POMGNT1: variants seen among roughly 807,000 people sequenced by gnomAD.
The protein encoded by POMGNT1 is protein O-linked mannose N-acetylglucosaminyltransferase 1 (beta 1,2-), also known as protein O-linked-mannose beta-1,2-N-acetylglucosaminyltransferase 1.
In POMGNT1, 67 loss-of-function variants were observed where a neutral mutation model predicts 95.6. That is an observed-to-expected ratio of 0.70 (90% CI 0.58 to 0.86). POMGNT1 has a LOEUF of 0.86. POMGNT1 is among the 40% of genes least tolerant of loss of function. The probability of loss-of-function intolerance (pLI) is 0.00; values close to 1 mark genes in which losing one functional copy is unlikely to be tolerated. For synonymous variants in POMGNT1, 298 were observed against 317.9 expected (o/e 0.94, Z 0.66); for missense variants, 719 against 855.2 (o/e 0.84, Z 1.99).
At chr1:46,200,910 G>A (rs1344865999), upstream of POMGNT1, among the ~76,000 whole-genome samples, 1 of 152,198 alleles carries the variant, frequency 6.6e-6, no homozygotes, top group African/African-American at 2.4e-5. Context: ...GCCAAGGCGG[G>A]TGGATCACCT....
At chr1:46,193,252 G>A in intron 12 of POMGNT1, 37 bp from the exon 13 acceptor site, 4 of 1,614,108 alleles carry the variant, frequency 2.5e-6, no homozygotes, top group Non-Finnish European at 2.5e-6. Context: ...ATGAGCTTTA[G>A]GGTAGAAGGC....
chr1:46,203,353 AGC>A, upstream of POMGNT1: 1 of 1,361,274 alleles, frequency 7.3e-7, no homozygotes, highest in Non-Finnish European at 9.7e-7. Context: ...CCGCTTTAGC[AGC>A]GGCGAAGGGA....
chr1:46,198,993 G>A (rs951059021), upstream of POMGNT1, among the ~76,000 whole-genome samples: 3 of 152,132 alleles, frequency 2.0e-5, no homozygotes, highest in African/African-American at 7.2e-5. Flanking sequence ...CCAGGCTGGA[G>A]TGCAGTGGCA....
intron 1 of POMGNT1, among the ~76,000 whole-genome samples, chr1:46,205,825 C>T (rs1658695640): frequency 6.6e-6 from 1 of 152,216 alleles, no homozygotes; most frequent in South Asian, 2.1e-4. Context: ...TACTGGGTTG[C>T]ACCCAGGAAG....
chr1:46,220,155 G>T, exon 1 of POMGNT1: 4 of 1,614,120 alleles, frequency 2.5e-6, no homozygotes, highest in Non-Finnish European at 3.4e-6. Flanking sequence ...GGATGAGAGT[G>T]CCAAGCTGGG....
At chr1:46,193,241 C>A in intron 12 of POMGNT1, 26 bp from the exon 13 acceptor site, 1 of 1,614,136 alleles carries the variant, frequency 6.2e-7, no homozygotes, top group Non-Finnish European at 8.5e-7. Flanking sequence ...GAATAGGGCA[C>A]ATGAGCTTTA....
chr1:46,194,216 G>A (rs1658025241), intron 9 of POMGNT1, 58 bp downstream of exon 9: 2 of 1,613,864 alleles, frequency 1.2e-6, no homozygotes, highest in African/African-American at 2.7e-5. Flanking sequence ...TCATTCCTGG[G>A]GCCCCCCTGC....
chr1:46,216,138 C>G (rs1433344532), intron 1 of POMGNT1, among the ~76,000 whole-genome samples: 1 of 150,856 alleles, frequency 6.6e-6, no homozygotes, highest in South Asian at 2.1e-4. Context: ...GCTCCGCCCC[C>G]CAGGTTCACG....
chr1:46,193,713 C>T, intron 10 of POMGNT1, 74 bp from the exon 11 acceptor site: 1 of 1,607,514 alleles, frequency 6.2e-7, no homozygotes, highest in Non-Finnish European at 8.5e-7. Context: ...TACAGCTGGG[C>T]CCAGAGTCCC....
At chr1:46,218,516 C>T (rs1034684358) in intron 1 of POMGNT1, among the ~76,000 whole-genome samples, 3 of 152,222 alleles carry the variant, frequency 2.0e-5, no homozygotes, top group Non-Finnish European at 4.4e-5. Flanking sequence ...ATGTTACAGG[C>T]TTTTGAATGC....
upstream of POMGNT1, among the ~76,000 whole-genome samples, chr1:46,199,715 A>G (rs1348351129): frequency 6.6e-6 from 1 of 152,126 alleles, no homozygotes; most frequent in African/African-American, 2.4e-5. Flanking sequence ...GACCAGTTAG[A>G]TTTTTTTGAG....
intron 16 of POMGNT1, 31 bp from the exon 17 acceptor site, chr1:46,192,254 G>A (rs759654149): frequency 3.1e-6 from 5 of 1,614,186 alleles, no homozygotes; most frequent in Non-Finnish European, 3.4e-6. Context: ...TGAAGGTTAA[G>A]ATGTTTCGAG....
At chr1:46,206,777 G>A (rs1658730182) in intron 1 of POMGNT1, among the ~76,000 whole-genome samples, 4 of 152,160 alleles carry the variant, frequency 2.6e-5, no homozygotes. Flanking sequence ...GATAGTAAAG[G>A]CAAGAGAATC....
At position 46,193,211 on chromosome 1, in the gene POMGNT1, T is replaced by C. The variant is rs1657927082; in HGVS notation, c.1115A>G (p.Tyr372Cys). 3 of 1,614,200 alleles carry C rather than the reference T, an allele frequency of 1.9e-6. No individual in the cohort carries two copies. The highest frequency in any genetic ancestry group is 2.5e-6 in the Non-Finnish European group (3 of 1,180,026). The change falls in exon 13 of 22, where the codon TAC becomes TGC. Residue 372 changes from tyrosine to cysteine, a missense_variant. Tyr to Cys is a radical substitution (Grantham distance 194). Coordinates refer to ENST00000371984, the MANE Select transcript of POMGNT1 (RefSeq NM_017739.4). ...SIKNARVSQH[Y>C]KASLTATFNL... The stretch of plus-strand genomic sequence containing the variant: ...GAAAGTGGCAGTGAGGCTGGCCTTG[T>C]AGTGCTGGGAGTGGGGTGGGAATAG...
At chr1:46,215,927 G>T (rs1218805662) in intron 1 of POMGNT1, among the ~76,000 whole-genome samples, 1 of 151,616 alleles carries the variant, frequency 6.6e-6, no homozygotes, top group Non-Finnish European at 1.5e-5. Flanking sequence ...ATGGAACAAT[G>T]CCTTAACCCC....
Position 46,188,841 on chromosome 1 carries a change from G to T in POMGNT1, c.*429C>A. 6.2e-7 allele frequency: 1 copy of T among 1,612,884 alleles called. No individual in the cohort carries two copies. The highest frequency in any genetic ancestry group is 8.5e-7 in the Non-Finnish European group (1 of 1,179,894). On this transcript the variant is annotated 3_prime_UTR_variant, in exon 22 of 22. Coordinates refer to ENST00000371984, the MANE Select transcript of POMGNT1 (RefSeq NM_017739.4). Reference sequence around the variant, plus strand: ...CCAGCTGGGCCTGTCCATGGGTTGGGCACAGCAGTTTCCTGAGTAAGAGCC... The same window carrying T: ...CCAGCTGGGCCTGTCCATGGGTTGGTCACAGCAGTTTCCTGAGTAAGAGCC...
chr1:46,200,037 A>G (rs1658491792), upstream of POMGNT1, among the ~76,000 whole-genome samples: 1 of 152,042 alleles, frequency 6.6e-6, no homozygotes. Flanking sequence ...GGGCGTGGTG[A>G]CAGGCGCCTA....
chr1:46,203,372 C>A (rs1422841973), upstream of POMGNT1: 1 of 1,426,562 alleles, frequency 7.0e-7, no homozygotes, highest in East Asian at 2.7e-5. Flanking sequence ...GGGAGGACCC[C>A]CGGGAGCCGG....
At chr1:46,194,821 T>C in intron 7 of POMGNT1, 23 bp downstream of exon 7, 1 of 1,613,626 alleles carries the variant, frequency 6.2e-7, no homozygotes, top group East Asian at 2.2e-5. Context: ...TACTACAGAG[T>C]GGATGGCCTC....
Sources: gnomAD v4.1 joint callset for allele counts (sites outside exome capture counted in the v4.1 genomes callset) on GRCh38, gnomAD v4.1.1 for gene constraint, MANE v1.5 for transcripts, NCBI Gene and HGNC (gene_info 2026-07-23, HGNC 2026-07-21) for gene names.